DPP10: variants seen among roughly 807,000 people sequenced by gnomAD.
DPP10 encodes inactive dipeptidyl peptidase 10.
DPP10 carries 33 observed loss-of-function variants against 120.9 expected under a neutral mutation model. The ratio of observed to expected loss-of-function variants is 0.27; its 90% CI spans 0.21 to 0.37. DPP10 has a LOEUF of 0.37. Among genes scored for constraint, DPP10 ranks in the 10% least tolerant of loss-of-function variants. The pLI is 1.00. For missense variants in DPP10, 816 were observed against 942.8 expected (o/e 0.87, Z 1.76); for synonymous variants, 337 against 326.1 (o/e 1.03, Z -0.36).
chr2:114,939,963 G>A (rs1229643611), intron 1 of DPP10, among the ~76,000 whole-genome samples: 11 of 152,132 alleles, frequency 7.2e-5, no homozygotes, highest in Non-Finnish European at 1.5e-4. Flanking sequence ...TTAGTCTACA[G>A]TGGATCATGA....
intron 1 of DPP10, among the ~76,000 whole-genome samples, chr2:114,657,264 C>A (rs1233394751): frequency 3.9e-5 from 6 of 152,152 alleles, no homozygotes; most frequent in African/African-American, 1.4e-4. Flanking sequence ...CTGTAGTCAT[C>A]ATCAGACAGT....
At chr2:115,560,954 G>A (rs927537494) in intron 5 of DPP10, among the ~76,000 whole-genome samples, 1 of 152,124 alleles carries the variant, frequency 6.6e-6, no homozygotes, top group African/African-American at 2.4e-5. Context: ...AAGTGAAAGA[G>A]CAGGTCATCA....
chr2:114,619,754 T>C lies in DPP10; in HGVS notation c.60+176916T>C, dbSNP rs147630804. Among the ~76,000 whole-genome samples, 73 of 152,124 alleles carry C rather than the reference T, an allele frequency of 4.8e-4. No individual in the cohort carries two copies. In the East Asian group the frequency reaches 0.013, roughly 27 times the overall value. On this transcript the variant is annotated intron_variant, in intron 1 of 25. Coordinates refer to ENST00000410059, the MANE Select transcript of DPP10 (RefSeq NM_020868.6). ...ATGATTCTCTTAAACTCTATATGAA[T>C]ACATTTTCTTCAGTTTCTACTTGCA...
chr2:115,200,682 A>G (rs1173714995), intron 1 of DPP10, among the ~76,000 whole-genome samples: 1 of 152,204 alleles, frequency 6.6e-6, no homozygotes, highest in Non-Finnish European at 1.5e-5. Context: ...TTGACACAGA[A>G]TGTTCTACCT....
chr2:115,726,704 C>T (rs1173922420), intron 7 of DPP10, among the ~76,000 whole-genome samples: 1 of 152,060 alleles, frequency 6.6e-6, no homozygotes, highest in Non-Finnish European at 1.5e-5. Context: ...TGTTAAATCA[C>T]CAGAATTAAA....
At chr2:114,706,658 A>G (rs1234105247) in intron 1 of DPP10, among the ~76,000 whole-genome samples, 2 of 152,184 alleles carry the variant, frequency 1.3e-5, no homozygotes, top group African/African-American at 4.8e-5. Flanking sequence ...TAACCTAATT[A>G]TATCTGCAAA....
chr2:115,508,463 A>G (rs55825714), intron 4 of DPP10, among the ~76,000 whole-genome samples: 32,191 of 152,082 alleles, frequency 0.21, 3,879 homozygotes, highest in East Asian at 0.39. Context: ...AAACATTTAC[A>G]ATTTATGACA....
intron 1 of DPP10, among the ~76,000 whole-genome samples, chr2:114,734,480 G>A (rs1478270842): frequency 6.6e-6 from 1 of 152,100 alleles, no homozygotes; most frequent in African/African-American, 2.4e-5. Context: ...ACTTTGAGAA[G>A]TCCCGCCTTT....
chr2:115,534,110 A>G lies in DPP10; in HGVS notation c.441+8138A>G, dbSNP rs200155560. On this transcript the variant is annotated intron_variant, in intron 5 of 25. Transcript: ENST00000410059. ...ACTTTTATTTATTTTTTTATTTTTT[A>G]TTTTTTTTTATTATTATACTTCAAG... Among the ~76,000 whole-genome samples the G allele has an allele frequency of 1.1e-3, 166 of 146,876 alleles. 5 individuals are homozygous for G. The South Asian group carries it at 0.027, about 24-fold the overall frequency.
intron 1 of DPP10, among the ~76,000 whole-genome samples, chr2:114,469,154 G>A (rs1025112161): frequency 7.2e-5 from 11 of 152,214 alleles, no homozygotes; most frequent in African/African-American, 2.6e-4. Flanking sequence ...AATGCTGGTG[G>A]CAGAGATCTT....
At chr2:114,892,239 C>G (rs1692599604) in intron 1 of DPP10, among the ~76,000 whole-genome samples, 1 of 152,174 alleles carries the variant, frequency 6.6e-6, no homozygotes, top group African/African-American at 2.4e-5. Context: ...AGAAATTTAT[C>G]AGCTGCTAAG....
chr2:114,771,673 C>T (rs539177427), intron 1 of DPP10, among the ~76,000 whole-genome samples: 4 of 152,328 alleles, frequency 2.6e-5, no homozygotes, highest in Middle Eastern at 3.4e-3. Flanking sequence ...TGTTCAACAT[C>T]ACTGGAACTT....
intron 1 of DPP10, among the ~76,000 whole-genome samples, chr2:114,969,919 A>G (rs986381954): frequency 3.3e-5 from 5 of 152,112 alleles, no homozygotes; most frequent in Admixed American, 2.0e-4. Flanking sequence ...ATTGTTTTAA[A>G]CCACTCGGAT....
At position 114,639,632 on chromosome 2, in the gene DPP10, AC is replaced by A. The variant is rs1269788114; in HGVS notation, c.60+196798del. 2.0e-5 allele frequency among the ~76,000 whole-genome samples: 3 copies of A among 151,866 alleles called. No individual in the cohort carries two copies. In the East Asian group the frequency reaches 5.8e-4, roughly 29 times the overall value. ...ACGCATTTAACAAACCTGCACATGT[AC>A]CCCTTTATCTAAAATAAAAGTTGAA... is the stretch of plus-strand genomic sequence containing the variant. On this transcript the variant is annotated intron_variant, in intron 1 of 25. Coordinates refer to ENST00000410059, the MANE Select transcript of DPP10 (RefSeq NM_020868.6).
chr2:115,680,548 A>G (rs981916611), intron 5 of DPP10, among the ~76,000 whole-genome samples: 3 of 151,994 alleles, frequency 2.0e-5, no homozygotes, highest in Admixed American at 6.5e-5. Context: ...AAGTGGATGT[A>G]TACCTCACAC....
intron 1 of DPP10, among the ~76,000 whole-genome samples, chr2:114,551,311 C>T (rs139649198): frequency 1.1e-3 from 163 of 152,282 alleles, no homozygotes; most frequent in African/African-American, 3.7e-3. Flanking sequence ...CCGCTGCCCC[C>T]CTGCCTGAAA....
At chr2:115,658,470 G>C (rs1181626967) in intron 5 of DPP10, among the ~76,000 whole-genome samples, 2 of 151,508 alleles carry the variant, frequency 1.3e-5, no homozygotes, top group African/African-American at 2.4e-5. Flanking sequence ...GCAAACATTA[G>C]TTCTCGCTTG....
At chr2:114,886,580 G>A (rs1376636446) in intron 1 of DPP10, among the ~76,000 whole-genome samples, 1 of 152,188 alleles carries the variant, frequency 6.6e-6, no homozygotes, top group Non-Finnish European at 1.5e-5. Flanking sequence ...GTCTAGCATT[G>A]ATTATGAAAT....
At chr2:114,790,024 C>A (rs138643211) in intron 1 of DPP10, among the ~76,000 whole-genome samples, 1 of 152,154 alleles carries the variant, frequency 6.6e-6, no homozygotes, top group Non-Finnish European at 1.5e-5. Flanking sequence ...CATCTTTGTC[C>A]TTTGTCAAGT....
Sources: allele counts gnomAD v4.1 joint callset (sites outside exome capture counted in the v4.1 genomes callset), GRCh38; gene constraint gnomAD v4.1.1; transcripts MANE v1.5; gene names NCBI Gene and HGNC (gene_info 2026-07-23, HGNC 2026-07-21).